The following PDE10A variants were observed in gnomAD, a reference collection of about 807,000 sequenced individuals.
The protein encoded by PDE10A is phosphodiesterase 10A.
PDE10A carries 39 observed loss-of-function variants against 97.7 expected under a neutral mutation model. The ratio of observed to expected loss-of-function variants is 0.40; its 90% confidence interval spans 0.31 to 0.52. PDE10A has a LOEUF of 0.52. Ranked by LOEUF, PDE10A falls within the 20% of genes least tolerant of loss-of-function variation. PDE10A has a pLI of 0.56. For missense variants in PDE10A, 731 were observed against 1,047.8 expected (o/e 0.70, Z 4.17); for synonymous variants, 371 against 376.8 (o/e 0.98, Z 0.18).
At chr6:165,478,775 G>C (rs1583367501) in intron 3 of PDE10A, among the ~76,000 whole-genome samples, 1 of 152,194 alleles carries the variant, frequency 6.6e-6, no homozygotes, top group East Asian at 1.9e-4. Flanking sequence ...CCTGCTACTT[G>C]GGGGCTTCAT....
chr6:165,654,969 C>T (rs975876844), intron 1 of PDE10A, among the ~76,000 whole-genome samples: 1 of 152,216 alleles, frequency 6.6e-6, no homozygotes, highest in Non-Finnish European at 1.5e-5. Context: ...TCTGCTCACT[C>T]CCACTATTCA....
intron 1 of PDE10A, among the ~76,000 whole-genome samples, chr6:165,756,744 C>T (rs540352755): frequency 9.9e-5 from 15 of 152,150 alleles, no homozygotes. Context: ...TATTGCCAAA[C>T]TGTCCTCCAT....
intron 1 of PDE10A, chr6:165,781,288 T>C (rs1310282393): frequency 6.6e-6 from 1 of 152,100 alleles, no homozygotes. Context: ...CACCTATTAT[T>C]TTTTTTAAAA....
At chr6:165,533,692 T>C (rs1002482933) in intron 2 of PDE10A, among the ~76,000 whole-genome samples, 3 of 152,156 alleles carry the variant, frequency 2.0e-5, no homozygotes, top group Non-Finnish European at 4.4e-5. Context: ...TATTCAACCT[T>C]AGGTCAAATA....
At chr6:165,810,644 G>A (rs1421228078) in intron 1 of PDE10A, among the ~76,000 whole-genome samples, 1 of 152,146 alleles carries the variant, frequency 6.6e-6, no homozygotes, top group African/African-American at 2.4e-5. Context: ...TCACTTGGCA[G>A]AGGTTCAGCC....
At chr6:165,842,057 A>C (rs1316355632) in intron 1 of PDE10A, among the ~76,000 whole-genome samples, 1 of 152,266 alleles carries the variant, frequency 6.6e-6, no homozygotes, top group Non-Finnish European at 1.5e-5. Context: ...AAAAGGTTTT[A>C]TAGATGTACC....
At position 165,943,928 on chromosome 6, in the gene PDE10A, G is replaced by A. The variant is rs574725006; in HGVS notation, c.-615+43601C>T. Among the ~76,000 whole-genome samples the A allele has an allele frequency of 2.0e-5, 3 of 152,152 alleles. No homozygotes were observed. The South Asian group carries it at 6.2e-4, about 32-fold the overall frequency. On this transcript the variant is annotated intron_variant, in intron 1 of 19. Transcript: ENST00000366882. ...CCACCAACCGGCTGCACAGCTCTGT[G>A]CCTTCCCTTCTGTATTAGTCTGTTC...
At chr6:165,857,552 C>T (rs775905709) in intron 1 of PDE10A, among the ~76,000 whole-genome samples, 10 of 152,148 alleles carry the variant, frequency 6.6e-5, no homozygotes, top group South Asian at 2.1e-4. Context: ...TTGAGGACAC[C>T]GGCATCCTTT....
intron 1 of PDE10A, among the ~76,000 whole-genome samples, chr6:165,960,418 A>G (rs138269540): frequency 6.6e-6 from 1 of 152,322 alleles, no homozygotes; most frequent in East Asian, 1.9e-4. Context: ...ACGAGGAAAG[A>G]GACAGGATGG....
intron 1 of PDE10A, among the ~76,000 whole-genome samples, chr6:165,826,084 T>A (rs115680088): frequency 1.4e-3 from 217 of 152,356 alleles, no homozygotes; most frequent in African/African-American, 4.9e-3. Context: ...CAGCTTTCTG[T>A]GTCCCAGCCT....
chr6:165,675,873 T>C (rs751067848), intron 1 of PDE10A, among the ~76,000 whole-genome samples: 6 of 152,200 alleles, frequency 3.9e-5, no homozygotes, highest in Non-Finnish European at 7.3e-5. Flanking sequence ...ATAACTAATA[T>C]TTGATCTAGT....
chr6:165,746,342 G>T (rs920559490), intron 1 of PDE10A, among the ~76,000 whole-genome samples: 1 of 152,216 alleles, frequency 6.6e-6, no homozygotes, highest in Non-Finnish European at 1.5e-5. Flanking sequence ...ACTCTTTCAA[G>T]ATTCTATCAA....
chr6:165,603,718 C>T (rs751677480), intron 1 of PDE10A, among the ~76,000 whole-genome samples: 1 of 152,186 alleles, frequency 6.6e-6, no homozygotes, highest in Admixed American at 6.5e-5. Flanking sequence ...GGCACAATGA[C>T]CCCTAATGGT....
chr6:165,436,937 GA>G (rs963630388), intron 5 of PDE10A, among the ~76,000 whole-genome samples: 2 of 151,924 alleles, frequency 1.3e-5, no homozygotes, highest in African/African-American at 2.4e-5. Context: ...ATAAATGCAA[GA>G]AAAAAAATTT....
intron 1 of PDE10A, among the ~76,000 whole-genome samples, chr6:165,740,568 C>T (rs577362685): frequency 9.9e-5 from 15 of 152,102 alleles, no homozygotes; most frequent in African/African-American, 3.1e-4. Flanking sequence ...CTCCTGACCT[C>T]GTGATCCACC....
Position 165,407,802 on chromosome 6 carries a change from G to A in PDE10A, c.2076+5699C>T, listed in dbSNP as rs532075648. 3.3e-5 allele frequency among the ~76,000 whole-genome samples: 5 copies of A among 152,240 alleles called. No homozygotes were observed. The East Asian group carries it at 9.7e-4, about 29-fold the overall frequency. On this transcript the variant is annotated intron_variant, in intron 13 of 21. Transcript: ENST00000539869. Reference sequence around the variant, plus strand: ...TAGCTTTTCTAAGGCATATTAAATGGTTTCTTTAAAATCACAGTATAAATG... The same window carrying A: ...TAGCTTTTCTAAGGCATATTAAATGATTTCTTTAAAATCACAGTATAAATG...
intron 1 of PDE10A, among the ~76,000 whole-genome samples, chr6:165,600,032 G>T (rs1000373807): frequency 6.6e-6 from 1 of 152,126 alleles, no homozygotes; most frequent in African/African-American, 2.4e-5. Flanking sequence ...TCCCTCCGGG[G>T]CCACTGACAT....
At chr6:165,719,636 A>G (rs77637685) in intron 1 of PDE10A, among the ~76,000 whole-genome samples, 2 of 112,086 alleles carry the variant, frequency 1.8e-5, no homozygotes, top group African/African-American at 2.9e-5. Context: ...GGTGTGCAAC[A>G]GGTGTAACCC....
At chr6:165,823,204 C>T (rs905197455) in intron 1 of PDE10A, among the ~76,000 whole-genome samples, 1 of 151,658 alleles carries the variant, frequency 6.6e-6, no homozygotes, top group African/African-American at 2.4e-5. Flanking sequence ...TACAAACATG[C>T]TGTACAAAAT....
Sources: gnomAD v4.1 joint callset for allele counts (sites outside exome capture counted in the v4.1 genomes callset) on GRCh38, gnomAD v4.1.1 for gene constraint, MANE v1.5 for transcripts, NCBI Gene and HGNC (gene_info 2026-07-23, HGNC 2026-07-21) for gene names.